The following CCDC91 variants were observed in gnomAD, a reference collection of about 807,000 sequenced individuals.
The protein encoded by CCDC91 is coiled-coil domain containing 91.
In CCDC91, 48 loss-of-function variants were observed where a neutral mutation model predicts 63.2. That is an observed-to-expected ratio of 0.76 (90% CI 0.60 to 0.97). The LOEUF (loss-of-function observed/expected upper bound fraction) is 0.97, where lower values mean the gene tolerates loss of function less well. Ranked by LOEUF, CCDC91 falls within the 50% of genes least tolerant of loss-of-function variation. The pLI is 0.00. For synonymous variants in CCDC91, 167 were observed against 165.8 expected (o/e 1.01, Z -0.06); for missense variants, 500 against 494.6 (o/e 1.01, Z -0.10).
intron 11 of CCDC91, among the ~76,000 whole-genome samples, chr12:28,473,613 C>G (rs1297443491): frequency 6.6e-6 from 1 of 152,058 alleles, no homozygotes; most frequent in Non-Finnish European, 1.5e-5. Flanking sequence ...TATAGTTGTT[C>G]CATGCAGACT....
chr12:28,270,722 C>T (rs1161966927), intron 3 of CCDC91, among the ~76,000 whole-genome samples: 2 of 152,060 alleles, frequency 1.3e-5, no homozygotes, highest in Non-Finnish European at 2.9e-5. Context: ...AAGTATTTTG[C>T]GTCGATGGAA....
intron 8 of CCDC91, among the ~76,000 whole-genome samples, chr12:28,432,266 T>G (rs1948670533): frequency 6.6e-6 from 1 of 152,066 alleles, no homozygotes; most frequent in Non-Finnish European, 1.5e-5. Flanking sequence ...TGCTATGGTT[T>G]GGCTCTGTGT....
At position 28,496,460 on chromosome 12, in the gene CCDC91, G is replaced by A. The variant is rs75296546; in HGVS notation, c.1215+12295G>A. ...GAGTTTTCTTGGGTTTTATGCAGGG[G>A]AATCATACCTCATAAGGCTGGAAAT... On this transcript the variant is annotated intron_variant, in intron 12 of 12. Coordinates refer to ENST00000536442, the MANE Select transcript of CCDC91 (RefSeq NM_018318.5). Among the ~76,000 whole-genome samples the A allele has an allele frequency of 5.7e-3, 867 of 151,678 alleles. 24 individuals are homozygous for A. Among genetic ancestry groups the A allele is most frequent in the Admixed American group, 0.044 (670 of 15,146 alleles).
chr12:28,463,972 G>A (rs1206847298), intron 11 of CCDC91, among the ~76,000 whole-genome samples: 1 of 152,070 alleles, frequency 6.6e-6, no homozygotes, highest in Non-Finnish European at 1.5e-5. Flanking sequence ...GAAGATGTAG[G>A]CAAAACACTC....
intron 1 of CCDC91, among the ~76,000 whole-genome samples, chr12:28,209,753 A>C (rs1943102278): frequency 6.6e-6 from 1 of 152,218 alleles, no homozygotes; most frequent in African/African-American, 2.4e-5. Flanking sequence ...TAACACTTTC[A>C]CAACTTGTTT....
chr12:28,404,188 G>A (rs995624552), intron 8 of CCDC91, among the ~76,000 whole-genome samples: 2 of 151,900 alleles, frequency 1.3e-5, no homozygotes, highest in African/African-American at 2.4e-5. Context: ...CTCTTTCGGT[G>A]TGTCTATAAA....
intron 3 of CCDC91, among the ~76,000 whole-genome samples, chr12:28,297,686 G>T (rs757933557): frequency 1.6e-4 from 25 of 151,728 alleles, no homozygotes; most frequent in Admixed American, 2.6e-4. Context: ...GGTGTTGTTG[G>T]GCACACCTGA....
chr12:28,282,992 C>G (rs1948697500), intron 3 of CCDC91, among the ~76,000 whole-genome samples: 1 of 151,920 alleles, frequency 6.6e-6, no homozygotes, highest in Non-Finnish European at 1.5e-5. Flanking sequence ...ATATTTTTAT[C>G]TGCTTTGTTA....
At chr12:28,542,683 A>G (rs961547579) in intron 12 of CCDC91, among the ~76,000 whole-genome samples, 3 of 152,046 alleles carry the variant, frequency 2.0e-5, no homozygotes, top group African/African-American at 7.2e-5. Flanking sequence ...ATATAAAACT[A>G]TTATCCTGAA....
intron 1 of CCDC91, among the ~76,000 whole-genome samples, chr12:28,230,599 A>G (rs1390925360): frequency 1.3e-5 from 2 of 152,104 alleles, no homozygotes; most frequent in Non-Finnish European, 2.9e-5. Context: ...TGTAATAATT[A>G]TGTATTTGAT....
In CCDC91 at chr12:28,527,955, C is replaced by T. The variant is rs560457542; in HGVS notation, c.1216-21108C>T. On this transcript the variant is annotated intron_variant, in intron 12 of 12. Transcript: ENST00000536442. ...TGGTCTCACTCCCACTGTGCCCCCC[C>T]GCCAAGAGCACCAAGTCTGTTTCCA... is the stretch of plus-strand genomic sequence containing the variant. Among the ~76,000 whole-genome samples the T allele has an allele frequency of 1.3e-4, 20 of 152,242 alleles. No individual in the cohort carries two copies. In the South Asian group the frequency reaches 2.9e-3, roughly 22 times the overall value.
At chr12:28,481,334 GC>G (rs1014500267) in intron 11 of CCDC91, among the ~76,000 whole-genome samples, 6 of 151,888 alleles carry the variant, frequency 4.0e-5, no homozygotes, top group Admixed American at 2.6e-4. Flanking sequence ...CTCCCTTACA[GC>G]AAAGGATTGT....
intron 12 of CCDC91, among the ~76,000 whole-genome samples, chr12:28,523,363 T>C (rs894349799): frequency 3.1e-4 from 47 of 152,190 alleles, no homozygotes; most frequent in Non-Finnish European, 1.9e-4. Flanking sequence ...TCTGTTGGTT[T>C]AAAGTCTGTT....
chr12:28,415,664 TTGTG>T (rs61077919), intron 8 of CCDC91, among the ~76,000 whole-genome samples: 8 of 148,506 alleles, frequency 5.4e-5, no homozygotes, highest in Non-Finnish European at 1.2e-4. Flanking sequence ...AGATATATAT[TTGTG>T]TGTGTGTGTG....
intron 6 of CCDC91, chr12:28,319,566 A>T (rs771724678): frequency 1.2e-5 from 2 of 172,578 alleles, no homozygotes; most frequent in Non-Finnish European, 2.4e-5. Context: ...TCCCTGATAT[A>T]AAATGGCATA....
In CCDC91 at chr12:28,340,578, A is replaced by G. The variant is rs564645339; in HGVS notation, c.577-21860A>G. Reference sequence around the variant, plus strand: ...GCTGTTTGAGTCTTTCTTATATTGCATCACTGAAAAGGGAAAGGTTTCCCT... The same window carrying G: ...GCTGTTTGAGTCTTTCTTATATTGCGTCACTGAAAAGGGAAAGGTTTCCCT... On this transcript the variant is annotated intron_variant, in intron 6 of 12. Coordinates refer to ENST00000536442, the MANE Select transcript of CCDC91 (RefSeq NM_018318.5). 9.7e-4 allele frequency among the ~76,000 whole-genome samples: 147 copies of G among 152,260 alleles called. 3 individuals are homozygous for G. The highest frequency in any genetic ancestry group is 1.7e-3 in the South Asian group (8 of 4,822).
At chr12:28,493,758 A>AT (rs1197686922) in intron 12 of CCDC91, among the ~76,000 whole-genome samples, 2 of 151,774 alleles carry the variant, frequency 1.3e-5, no homozygotes, top group African/African-American at 4.8e-5. Context: ...GGTATCTCTT[A>AT]TAAAAACAAA....
intron 6 of CCDC91, among the ~76,000 whole-genome samples, chr12:28,352,475 C>T (rs1943247201): frequency 6.6e-6 from 1 of 152,276 alleles, no homozygotes; most frequent in South Asian, 2.1e-4. Flanking sequence ...TATTCCAAAT[C>T]CCTGGCGGCC....
At chr12:28,356,270 C>G (rs1244580267) in intron 6 of CCDC91, among the ~76,000 whole-genome samples, 2 of 152,122 alleles carry the variant, frequency 1.3e-5, no homozygotes, top group African/African-American at 4.8e-5. Flanking sequence ...GGAAAAACAA[C>G]CAGGCTTATT....
Sources: gnomAD v4.1 joint callset for allele counts (sites outside exome capture counted in the v4.1 genomes callset) on GRCh38, gnomAD v4.1.1 for gene constraint, MANE v1.5 for transcripts, NCBI Gene and HGNC (gene_info 2026-07-23, HGNC 2026-07-21) for gene names.